The following TXLNB variants were observed in gnomAD, a reference collection of about 807,000 sequenced individuals.
TXLNB encodes beta-taxilin.
In TXLNB, 37 loss-of-function variants were observed where a neutral mutation model predicts 57.4. That is an observed-to-expected ratio of 0.64 (90% CI 0.50 to 0.85). TXLNB has a LOEUF of 0.85. Ranked by LOEUF, TXLNB falls within the 40% of genes least tolerant of loss-of-function variation. The pLI, the probability that TXLNB is intolerant of heterozygous loss-of-function variation, is 0.00. For missense variants in TXLNB, 848 were observed against 825.6 expected (o/e 1.03, Z -0.33); for synonymous variants, 302 against 309.6 (o/e 0.98, Z 0.26).
intron 2 of TXLNB, among the ~76,000 whole-genome samples, chr6:139,285,604 C>T (rs968174133): frequency 1.4e-5 from 2 of 144,862 alleles, no homozygotes; most frequent in African/African-American, 2.5e-5. Flanking sequence ...TTAATTTTAT[C>T]CTAGTTGGGT....
At chr6:139,306,833 TG>T in the TXLNB span, among the ~76,000 whole-genome samples, 5 of 152,186 alleles carry the variant, frequency 3.3e-5, no homozygotes, top group Admixed American at 2.0e-4. Context: ...ATTATCTGCT[TG>T]GTGGCCTTAT....
the TXLNB span, among the ~76,000 whole-genome samples, chr6:139,306,863 C>T: frequency 1.3e-5 from 2 of 152,158 alleles, no homozygotes; most frequent in Non-Finnish European, 2.9e-5. Context: ...TGACTCTCAC[C>T]ATACTTGCAG....
the TXLNB span, among the ~76,000 whole-genome samples, chr6:139,204,935 T>C: frequency 1.3e-5 from 2 of 152,118 alleles, no homozygotes; most frequent in East Asian, 3.9e-4. Context: ...CCACCCCCCA[T>C]CCCCACAGTG....
chr6:139,314,539 G>A, the TXLNB span, among the ~76,000 whole-genome samples: 2 of 151,992 alleles, frequency 1.3e-5, no homozygotes, highest in South Asian at 2.1e-4. Flanking sequence ...TCCCTACATC[G>A]CATAAAACCA....
intron 7 of TXLNB, among the ~76,000 whole-genome samples, chr6:139,250,816 A>C (rs1776186543): frequency 6.6e-6 from 1 of 152,100 alleles, no homozygotes; most frequent in Non-Finnish European, 1.5e-5. Flanking sequence ...CAGCAAGAAC[A>C]ACCACCCCCA....
chr6:139,253,849 T>C (rs1189320937), intron 7 of TXLNB, among the ~76,000 whole-genome samples: 1 of 152,238 alleles, frequency 6.6e-6, no homozygotes, highest in African/African-American at 2.4e-5. Context: ...TAGCAGATGA[T>C]GTGAACAGTG....
the TXLNB span, among the ~76,000 whole-genome samples, chr6:139,213,897 C>T: frequency 3.9e-5 from 6 of 152,026 alleles, no homozygotes; most frequent in Non-Finnish European, 7.4e-5. Context: ...ATAAATTCCT[C>T]GACACATACA....
At chr6:139,262,324 T>G (rs1381044998) in intron 5 of TXLNB, among the ~76,000 whole-genome samples, 1 of 152,206 alleles carries the variant, frequency 6.6e-6, no homozygotes, top group Non-Finnish European at 1.5e-5. Context: ...CAAGGAAAAC[T>G]GTGCCCACAG....
chr6:139,198,043 A>G, the TXLNB span, among the ~76,000 whole-genome samples: 3 of 152,250 alleles, frequency 2.0e-5, no homozygotes, highest in Non-Finnish European at 4.4e-5. Context: ...TGGAGGGGAC[A>G]AACATTCAAA....
chr6:139,300,715 G>T, the TXLNB span, among the ~76,000 whole-genome samples: 7 of 152,164 alleles, frequency 4.6e-5, no homozygotes, highest in Non-Finnish European at 8.8e-5. Context: ...GACCAACATG[G>T]TGAAACTGCG....
chr6:139,273,460 TTTTTAA>T (rs1351311228), intron 3 of TXLNB, among the ~76,000 whole-genome samples: 2 of 152,268 alleles, frequency 1.3e-5, no homozygotes, highest in Non-Finnish European at 2.9e-5. Flanking sequence ...TTTATTTTTA[TTTTTAA>T]TTTTAATTTT....
chr6:139,243,875 G>A (rs988186084), intron 9 of TXLNB, among the ~76,000 whole-genome samples: 1 of 152,172 alleles, frequency 6.6e-6, no homozygotes, highest in Non-Finnish European at 1.5e-5. Context: ...TCACGATGCT[G>A]GCTGCTCAAA....
intron 8 of TXLNB, among the ~76,000 whole-genome samples, chr6:139,245,091 T>C (rs2114431210): frequency 6.6e-6 from 1 of 152,326 alleles, no homozygotes; most frequent in East Asian, 1.9e-4. Context: ...ATGTTGATAA[T>C]ATCTGGGCAC....
chr6:139,302,905 T>A, the TXLNB span, among the ~76,000 whole-genome samples: 1 of 152,186 alleles, frequency 6.6e-6, no homozygotes, highest in African/African-American at 2.4e-5. Context: ...GGATAAGTGA[T>A]ACAAATTCAG....
chr6:139,177,906 T>C, the TXLNB span: 2 of 152,218 alleles, frequency 1.3e-5, no homozygotes, highest in African/African-American at 4.8e-5. The surrounding 1 kb of genome is among the most constrained non-coding windows in gnomAD (Gnocchi z 4.9). Flanking sequence ...TTATTACAGG[T>C]TGCACTGTTG....
At chr6:139,166,318 C>T in the TXLNB span, 7 of 1,611,256 alleles carry the variant, frequency 4.3e-6, no homozygotes, top group East Asian at 1.1e-4. Context: ...TCTGCAGCTT[C>T]GGTAGGCCGG....
chr6:139,286,199 G>A (rs1777170305), intron 2 of TXLNB, among the ~76,000 whole-genome samples: 1 of 149,982 alleles, frequency 6.7e-6, no homozygotes, highest in Admixed American at 6.6e-5. Flanking sequence ...TTGGTCAGAA[G>A]AGAGTACTAA....
At chr6:139,210,028 C>A in the TXLNB span, among the ~76,000 whole-genome samples, 1 of 152,002 alleles carries the variant, frequency 6.6e-6, no homozygotes, top group Admixed American at 6.5e-5. Flanking sequence ...AAAAAATACT[C>A]CCATCAAAAA....
chr6:139,213,503 T>A, the TXLNB span, among the ~76,000 whole-genome samples: 3 of 152,100 alleles, frequency 2.0e-5, no homozygotes, highest in Admixed American at 6.6e-5. Context: ...TTTATAGCAC[T>A]AAATGCCCAC....
Sources: allele counts gnomAD v4.1 joint callset (sites outside exome capture counted in the v4.1 genomes callset), GRCh38; gene constraint gnomAD v4.1.1; non-coding constraint Gnocchi (gnomAD v3.1); transcripts MANE v1.5; gene names NCBI Gene and HGNC (gene_info 2026-07-23, HGNC 2026-07-21).